Variants in DENR observed in about 807,000 individuals in gnomAD.
The protein encoded by DENR is density regulated re-initiation and release factor, also known as density-regulated protein.
A neutral mutation model predicts 30.6 loss-of-function variants in DENR; 6 were observed. The ratio of observed to expected loss-of-function variants is 0.20; its 90% CI spans 0.11 to 0.39. The LOEUF (loss-of-function observed/expected upper bound fraction) is 0.39. Among genes scored for constraint, DENR ranks in the 10% least tolerant of loss-of-function variants. The pLI is 1.00. For synonymous variants in DENR, 78 were observed against 72.1 expected, an observed-to-expected ratio of 1.08 and a Z score of -0.41; for missense variants, 141 against 230.9, an observed-to-expected ratio of 0.61 and a Z score of 2.52.
intron 2 of DENR, among the ~76,000 whole-genome samples, chr12:122,755,785 T>C (rs550619581): frequency 6.6e-6 from 1 of 152,340 alleles, no homozygotes; most frequent in Non-Finnish European, 1.5e-5. Context: ...TGGAAACTAC[T>C]GAAAGGTGCC....
intron 7 of DENR, 38 bp from the exon 8 acceptor site, chr12:122,768,996 A>G (rs1878924378): frequency 6.2e-7 from 1 of 1,608,580 alleles, no homozygotes; most frequent in Non-Finnish European, 8.5e-7. Flanking sequence ...CTTAATTGCA[A>G]CCACAACTCA....
intron 2 of DENR, among the ~76,000 whole-genome samples, chr12:122,759,350 A>G (rs1878635813): frequency 1.3e-5 from 2 of 152,214 alleles, no homozygotes; most frequent in South Asian, 2.1e-4. Flanking sequence ...CTGTAAAGAG[A>G]AATTGACTTT....
rs34625739 is a variant in DENR at position 122,769,309 on chromosome 12, C to CATATATGTATACATATATAAACAT, written c.*235_*236insATGTATACATATATAAACATATAT. 1.4e-6 allele frequency: 1 copy of CATATATGTATACATATATAAACAT among 737,790 alleles called. No homozygotes were observed. Among genetic ancestry groups the CATATATGTATACATATATAAACAT allele is most frequent in the African/African-American group, 2.2e-5 (1 of 46,414 alleles). 45.7% of individuals were successfully genotyped at this position (737,790 alleles called of 1,614,324 possible). A position where few individuals can be genotyped will look rare whatever the true frequency, so the allele number is the denominator to read the frequency against. On this transcript the variant is annotated 3_prime_UTR_variant, in exon 8 of 8. Coordinates refer to ENST00000280557, the MANE Select transcript of DENR (RefSeq NM_003677.5). ...ACACATATATGTATACATATATACA[C>CATATATGTATACATATATAAACAT]ATATGTATACATATATATATATTCT...
intron 6 of DENR, 76 bp downstream of exon 6, chr12:122,767,680 C>G: frequency 1.3e-6 from 1 of 777,444 alleles, no homozygotes; most frequent in South Asian, 2.7e-5. Flanking sequence ...CTCTGTCTCT[C>G]TCTCTCTCAC....
chr12:122,759,389 GA>G (rs1878636694), intron 2 of DENR, among the ~76,000 whole-genome samples: 1 of 152,136 alleles, frequency 6.6e-6, no homozygotes, highest in Non-Finnish European at 1.5e-5. Context: ...GAACTTAAAG[GA>G]GCTCCCCCAA....
At position 122,762,998 on chromosome 12, in the gene DENR, A is replaced by G. The variant is rs527968842; in HGVS notation, c.211+69A>G. ...CAAATGCATGTATGGCATTATTCTA[A>G]AGATAGGAAAGTCCTCCTTTAGTAG... On this transcript the variant is annotated intron_variant, in intron 4 of 7. Coordinates refer to ENST00000280557, the MANE Select transcript of DENR (RefSeq NM_003677.5). 3 of 851,288 alleles carry G rather than the reference A, an allele frequency of 3.5e-6. No homozygotes were observed. The East Asian group carries it at 8.0e-5, about 23-fold the overall frequency. 52.7% of individuals were successfully genotyped at this position (851,288 alleles called of 1,614,324 possible). A position where few individuals can be genotyped will look rare whatever the true frequency, so the allele number is the denominator to read the frequency against.
chr12:122,759,991 C>T (rs1878652384), intron 2 of DENR, among the ~76,000 whole-genome samples: 1 of 152,134 alleles, frequency 6.6e-6, no homozygotes. Flanking sequence ...CCACCTTTGT[C>T]ATTGTATGAG....
At chr12:122,758,197 G>T (rs752658973) in intron 2 of DENR, among the ~76,000 whole-genome samples, 2 of 152,094 alleles carry the variant, frequency 1.3e-5, no homozygotes, top group Non-Finnish European at 2.9e-5. Context: ...TCAGCCTCCC[G>T]AGTAGCGGAG....
chr12:122,764,548 C>T (rs967797577), intron 4 of DENR, among the ~76,000 whole-genome samples: 1 of 152,062 alleles, frequency 6.6e-6, no homozygotes, highest in Non-Finnish European at 1.5e-5. Context: ...TGCAGTGAGC[C>T]GAGATCGCAC....
intron 1 of DENR, 84 bp from the exon 2 acceptor site, chr12:122,753,609 G>C: frequency 1.0e-6 from 1 of 995,382 alleles, no homozygotes; most frequent in Non-Finnish European, 1.6e-6. Flanking sequence ...CTTTGGGGTG[G>C]GGAGGTTTCT....
chr12:122,768,882 A>G lies in DENR; in HGVS notation c.513A>G (p.Thr171=). 1.9e-6 allele frequency: 3 copies of G among 1,613,034 alleles called. No individual in the cohort carries two copies. The highest frequency in any genetic ancestry group is 2.5e-6 in the Non-Finnish European group (3 of 1,179,480). ...AAATTATCATTCAGGGAGATTTTAC[A>G]GATGACATAATTGATGTCATTCAGG... ...EDEIIIQGDF[T]DDIIDVIQEK... is the part of the protein sequence containing the mutation. Residue 171 remains threonine (T), a synonymous_variant, in exon 7 of 8, where the codon ACA becomes ACG. Transcript: ENST00000280557.
chr12:122,765,708 C>T (rs540188261), intron 5 of DENR, among the ~76,000 whole-genome samples: 2 of 152,130 alleles, frequency 1.3e-5, no homozygotes. Context: ...CAAAGGGGCA[C>T]ATACTAATAG....
At chr12:122,753,035 C>T (rs1451999423) in intron 1 of DENR, 85 bp downstream of exon 1, 4 of 153,122 alleles carry the variant, frequency 2.6e-5, no homozygotes, top group African/African-American at 7.2e-5. Flanking sequence ...CGGAAGGGGG[C>T]CGGGCCGGGC....
intron 2 of DENR, 23 bp from the exon 3 acceptor site, chr12:122,762,164 C>CTT: frequency 5.7e-6 from 8 of 1,402,152 alleles, no homozygotes; most frequent in Non-Finnish European, 7.7e-6. Flanking sequence ...CATTTCAAAT[C>CTT]TTTTTTCTTT....
At chr12:122,766,525 CTG>C (rs1217055443) in intron 5 of DENR, among the ~76,000 whole-genome samples, 4 of 152,186 alleles carry the variant, frequency 2.6e-5, no homozygotes, top group African/African-American at 9.7e-5. Flanking sequence ...TGGATCTGGC[CTG>C]TGTCTCTAGC....
At chr12:122,754,143 A>T (rs1251063254) in intron 2 of DENR, 1 of 312,090 alleles carries the variant, frequency 3.2e-6, no homozygotes, top group African/African-American at 2.1e-5. Flanking sequence ...CAAGGACTGG[A>T]TGAGAAGGTG....
chr12:122,761,843 A>G lies in DENR; in HGVS notation c.107-344A>G, dbSNP rs1433009028. On this transcript the variant is annotated intron_variant, in intron 2 of 7. Coordinates refer to ENST00000280557, the MANE Select transcript of DENR (RefSeq NM_003677.5). The stretch of plus-strand genomic sequence containing the variant: ...AGAAAAGAAATAACCAGTTTCCTTC[A>G]AACTCTGATGTATGGGAAATTGTTC... Among the ~76,000 whole-genome samples, 6 of 152,234 alleles carry G rather than the reference A, an allele frequency of 3.9e-5. No homozygotes were observed. The East Asian group carries it at 1.2e-3, about 29-fold the overall frequency.
intron 1 of DENR, among the ~76,000 whole-genome samples, 199 bp downstream of exon 1, chr12:122,753,149 G>A (rs1878455778): frequency 6.6e-6 from 1 of 152,114 alleles, no homozygotes; most frequent in Non-Finnish European, 1.5e-5. Flanking sequence ...TACATTCTGC[G>A]CTCGTTTTCT....
chr12:122,763,035 A>G lies in DENR; in HGVS notation c.211+106A>G, dbSNP rs1019993838. 9.1e-6 allele frequency: 6 copies of G among 656,794 alleles called. No homozygotes were observed. In the African/African-American group the frequency reaches 1.1e-4, roughly 12 times the overall value. 40.7% of individuals were successfully genotyped at this position (656,794 alleles called of 1,614,324 possible). A position where few individuals can be genotyped will look rare whatever the true frequency, so the allele number is the denominator to read the frequency against. On this transcript the variant is annotated intron_variant, in intron 4 of 7. Coordinates refer to ENST00000280557, the MANE Select transcript of DENR (RefSeq NM_003677.5). ...TCCTCCTTTAGTAGGATATTACAGAATTAACATTTATCTGTTAGCTGTTTA... is the reference window on the plus strand; with the variant it reads ...TCCTCCTTTAGTAGGATATTACAGAGTTAACATTTATCTGTTAGCTGTTTA...
Sources: gnomAD v4.1 joint callset for allele counts (sites outside exome capture counted in the v4.1 genomes callset) on GRCh38, gnomAD v4.1.1 for gene constraint, MANE v1.5 for transcripts, NCBI Gene and HGNC (gene_info 2026-07-23, HGNC 2026-07-21) for gene names.